AADAT: variants seen among roughly 807,000 people sequenced by gnomAD.
AADAT encodes kynurenine/alpha-aminoadipate aminotransferase, mitochondrial.
AADAT carries 25 observed loss-of-function variants against 56.2 expected under a neutral mutation model. The observed-to-expected ratio is 0.44, with a 90% confidence interval of 0.32 to 0.62. The LOEUF (loss-of-function observed/expected upper bound fraction) is 0.62, where lower values mean the gene tolerates loss of function less well. AADAT is among the 20% of genes least tolerant of loss of function. The probability of loss-of-function intolerance (pLI) is 0.04; values close to 1 mark genes in which losing one functional copy is unlikely to be tolerated. For synonymous variants in AADAT, 173 were observed against 164.7 expected, an observed-to-expected ratio of 1.05 and a Z score of -0.39; for missense variants, 387 against 510.5, an observed-to-expected ratio of 0.76 and a Z score of 2.33.
At chr4:170,089,394 T>C (rs1267784134) in intron 1 of AADAT, 2 of 600,652 alleles carry the variant, frequency 3.3e-6, no homozygotes, top group Non-Finnish European at 6.0e-6. Flanking sequence ...CTCTCTCTAC[T>C]GTTGCTCCTA....
Position 170,089,714 on chromosome 4 carries a change from GCTT to G in AADAT, c.-27_-25del, listed in dbSNP as rs758095748. On this transcript the variant is annotated 5_prime_UTR_variant, in exon 1 of 13. Transcript: ENST00000337664. The stretch of plus-strand genomic sequence containing the variant: ...ATGTCTTCTGACAGCCAAGCATCAA[GCTT>G]CTTCTTCAGTGGTTGAGGACTAGAA... 8.7e-6 allele frequency: 14 copies of G among 1,613,382 alleles called. No homozygotes were observed. The highest frequency in any genetic ancestry group is 1.6e-4 in the Middle Eastern group (1 of 6,082).
chr4:170,066,581 T>A, intron 9 of AADAT, 103 bp from the exon 10 acceptor site: 1 of 836,128 alleles, frequency 1.2e-6, no homozygotes, highest in Non-Finnish European at 2.0e-6. Context: ...CTATCTTGAT[T>A]AAAATGTTGA....
chr4:170,079,838 T>C (rs966990549), intron 3 of AADAT, among the ~76,000 whole-genome samples: 4 of 152,138 alleles, frequency 2.6e-5, no homozygotes, highest in African/African-American at 7.2e-5. Flanking sequence ...GATGGATAGA[T>C]GGACAAATGG....
chr4:170,067,553 C>T (rs1004051707), intron 8 of AADAT, among the ~76,000 whole-genome samples, 165 bp from the exon 9 acceptor site: 1 of 152,096 alleles, frequency 6.6e-6, no homozygotes, highest in Non-Finnish European at 1.5e-5. Flanking sequence ...CAATTAATAA[C>T]AATGATAATA....
intron 9 of AADAT, among the ~76,000 whole-genome samples, chr4:170,066,923 A>G (rs574290449): frequency 6.6e-6 from 1 of 152,330 alleles, no homozygotes; most frequent in African/African-American, 2.4e-5. Flanking sequence ...ACTTGTACCA[A>G]TATACAGACT....
intron 1 of AADAT, among the ~76,000 whole-genome samples, 174 bp from the exon 2 acceptor site, chr4:170,088,738 T>C (rs981185383): frequency 2.6e-5 from 4 of 152,190 alleles, no homozygotes; most frequent in South Asian, 4.1e-4. Flanking sequence ...TTAATACTAA[T>C]GTGATAGTTT....
At chr4:170,073,732 C>G (rs1731898864) in intron 4 of AADAT, among the ~76,000 whole-genome samples, 1 of 152,120 alleles carries the variant, frequency 6.6e-6, no homozygotes, top group South Asian at 2.1e-4. Flanking sequence ...ATCTCCTGAC[C>G]TCGTGATCCG....
At chr4:170,085,137 A>G (rs1294312018) in intron 3 of AADAT, among the ~76,000 whole-genome samples, 3 of 152,232 alleles carry the variant, frequency 2.0e-5, no homozygotes, top group African/African-American at 7.2e-5. Context: ...AATATAGTGT[A>G]CAATACATAT....
intron 4 of AADAT, among the ~76,000 whole-genome samples, chr4:170,075,297 A>G (rs1731979271): frequency 6.6e-6 from 1 of 152,202 alleles, no homozygotes; most frequent in Non-Finnish European, 1.5e-5. Context: ...ATTTTATTTT[A>G]GTTTTATTGT....
At chr4:170,093,698 C>T (rs541195948), upstream of AADAT, among the ~76,000 whole-genome samples, 6 of 152,264 alleles carry the variant, frequency 3.9e-5, no homozygotes, top group East Asian at 9.7e-4. Flanking sequence ...CGGGCTCAAG[C>T]ATTTCTCTCA....
At chr4:170,073,848 T>C (rs930144794) in intron 4 of AADAT, among the ~76,000 whole-genome samples, 1 of 152,166 alleles carries the variant, frequency 6.6e-6, no homozygotes. Context: ...TCCCAGAGAA[T>C]TATATAATTC....
At chr4:170,068,570 G>C (rs777630366) in intron 8 of AADAT, 21 bp downstream of exon 8, 1 of 1,505,874 alleles carries the variant, frequency 6.6e-7, no homozygotes, top group African/African-American at 1.5e-5. Context: ...AAAAAAAATC[G>C]ATTTCCTAAA....
At position 170,078,708 on chromosome 4, in the gene AADAT, A is replaced by C; in HGVS notation, c.370-125T>G. 5 of 552,588 alleles carry C rather than the reference A, an allele frequency of 9.0e-6. No homozygotes were observed. In the Admixed American group the frequency reaches 9.6e-5, roughly 11 times the overall value. The allele number at this position is 552,588 out of a possible 1,614,324, so 34.2% of individuals were successfully genotyped here. A position where few individuals can be genotyped will look rare whatever the true frequency, so the allele number is the denominator to read the frequency against. Reference sequence around the variant, plus strand: ...AGTAAGAATTAGCAAATTGTTTATAAGGGGCCAAACAGTAAACACTTTGCG... The same window carrying C: ...AGTAAGAATTAGCAAATTGTTTATACGGGGCCAAACAGTAAACACTTTGCG... On this transcript the variant is annotated intron_variant, in intron 3 of 12. Coordinates refer to ENST00000337664, the MANE Select transcript of AADAT (RefSeq NM_016228.4).
At chr4:170,069,737 C>T (rs969969712) in intron 6 of AADAT, among the ~76,000 whole-genome samples, 23 of 152,070 alleles carry the variant, frequency 1.5e-4, no homozygotes, top group Admixed American at 1.5e-3. Flanking sequence ...AAAGTAGCTA[C>T]AAATGAGAAA....
At chr4:170,081,815 C>T (rs1732329795) in intron 3 of AADAT, among the ~76,000 whole-genome samples, 2 of 152,180 alleles carry the variant, frequency 1.3e-5, no homozygotes, top group Non-Finnish European at 2.9e-5. Context: ...GCTGGGATTA[C>T]AGGCGTGAGC....
At chr4:170,064,328 CA>C (rs1223546081) in intron 11 of AADAT, among the ~76,000 whole-genome samples, 2 of 152,172 alleles carry the variant, frequency 1.3e-5, no homozygotes, top group Non-Finnish European at 2.9e-5. Context: ...ACTTAATCAT[CA>C]GAGCAACCCT....
At chr4:170,082,567 G>A (rs1315078314) in intron 3 of AADAT, among the ~76,000 whole-genome samples, 2 of 152,136 alleles carry the variant, frequency 1.3e-5, no homozygotes, top group Admixed American at 6.6e-5. Context: ...AATGCCAGTA[G>A]TAAGTTCTAA....
chr4:170,067,892 C>T (rs1731554066), intron 8 of AADAT, among the ~76,000 whole-genome samples: 1 of 152,136 alleles, frequency 6.6e-6, no homozygotes. Context: ...AATCCCAGCA[C>T]TTTGGGAGGC....
chr4:170,067,321 C>T lies in AADAT; in HGVS notation c.962+6G>A, dbSNP rs751338837. 1.2e-6 allele frequency: 2 copies of T among 1,609,708 alleles called. No individual in the cohort carries two copies. Among genetic ancestry groups the T allele is most frequent in the East Asian group, 2.2e-5 (1 of 44,790 alleles). Reference sequence around the variant, plus strand: ...TTCATAAATATTTAAAGAAATGATACAATACCTGTCTACATGAGCCATGAA... The same window carrying T: ...TTCATAAATATTTAAAGAAATGATATAATACCTGTCTACATGAGCCATGAA... On this transcript the variant is annotated splice_donor_region_variant and intron_variant, in intron 9 of 12. Transcript: ENST00000337664.
Sources: gnomAD v4.1 joint callset for allele counts (sites outside exome capture counted in the v4.1 genomes callset) on GRCh38, gnomAD v4.1.1 for gene constraint, MANE v1.5 for transcripts, NCBI Gene and HGNC (gene_info 2026-07-23, HGNC 2026-07-21) for gene names.